The following EYS variants were observed in gnomAD, a reference collection of about 807,000 sequenced individuals.
EYS encodes the protein protein eyes shut homolog.
In EYS, 250 loss-of-function variants were observed where a neutral mutation model predicts 282.1. The observed-to-expected ratio is 0.89, with a 90% CI of 0.80 to 0.98. EYS has a LOEUF of 0.98. Ranked by LOEUF, EYS falls within the 50% of genes least tolerant of loss-of-function variation. The probability of loss-of-function intolerance (pLI) is 0.00; values close to 1 mark genes in which losing one functional copy is unlikely to be tolerated. For synonymous variants in EYS, 1,355 were observed against 1,282.9 expected (o/e 1.06, Z -1.20); for missense variants, 4,016 against 3,709.0 (o/e 1.08, Z -2.15).
chr6:64,271,709 G>C (rs1349424358), intron 30 of EYS, among the ~76,000 whole-genome samples: 1 of 79,016 alleles, frequency 1.3e-5, no homozygotes, highest in African/African-American at 4.7e-5. Context: ...TTTGTATTTT[G>C]TGGGTTTTTT....
chr6:65,139,084 A>C (rs1018716806), intron 12 of EYS, among the ~76,000 whole-genome samples: 1 of 152,056 alleles, frequency 6.6e-6, no homozygotes, highest in Non-Finnish European at 1.5e-5. Flanking sequence ...CATCACTGAT[A>C]TACCCAAATG....
At chr6:63,730,594 T>G (rs1219084251) in intron 41 of EYS, among the ~76,000 whole-genome samples, 2 of 152,226 alleles carry the variant, frequency 1.3e-5, no homozygotes, top group Admixed American at 6.5e-5. Flanking sequence ...TGATGCTACT[T>G]TTCCTCCTTT....
chr6:63,764,321 C>A (rs940538792), intron 40 of EYS, among the ~76,000 whole-genome samples: 2 of 151,678 alleles, frequency 1.3e-5, no homozygotes, highest in African/African-American at 4.8e-5. Flanking sequence ...TGGAGACAAA[C>A]AAAATACAGA....
In EYS at chr6:64,749,740, G is replaced by C. The variant is rs566913961; in HGVS notation, c.3443+63638C>G. 2.0e-5 allele frequency among the ~76,000 whole-genome samples: 3 copies of C among 152,220 alleles called. No individual in the cohort carries two copies. In the East Asian group the frequency reaches 5.8e-4, roughly 29 times the overall value. ...TTGAACAACTTGGACTAGAAACTAT[G>C]AACAGGAATCGATAGCCCAGGTTGT... is the stretch of plus-strand genomic sequence containing the variant. On this transcript the variant is annotated intron_variant, in intron 22 of 42. Transcript: ENST00000503581.
intron 5 of EYS, among the ~76,000 whole-genome samples, chr6:65,434,461 C>A (rs1340912831): frequency 6.6e-6 from 1 of 151,978 alleles, no homozygotes; most frequent in Non-Finnish European, 1.5e-5. Flanking sequence ...GCTGGGACTA[C>A]AGGCGCCCGC....
At chr6:65,023,489 T>A (rs1772309387) in intron 13 of EYS, among the ~76,000 whole-genome samples, 1 of 152,224 alleles carries the variant, frequency 6.6e-6, no homozygotes, top group Non-Finnish European at 1.5e-5. Flanking sequence ...TTTGTTGTTG[T>A]TGAAGTGGCG....
At chr6:64,451,971 C>A (rs1775366404) in intron 26 of EYS, among the ~76,000 whole-genome samples, 1 of 152,154 alleles carries the variant, frequency 6.6e-6, no homozygotes, top group Non-Finnish European at 1.5e-5. Flanking sequence ...CCCTCTCTCA[C>A]CACTCTTATT....
At chr6:65,555,695 C>T (rs941870018) in intron 2 of EYS, among the ~76,000 whole-genome samples, 4 of 152,208 alleles carry the variant, frequency 2.6e-5, no homozygotes, top group African/African-American at 9.6e-5. Context: ...ATAACTGTTT[C>T]TTACTTTCGT....
chr6:64,897,559 G>A (rs1767514712), intron 18 of EYS, among the ~76,000 whole-genome samples: 1 of 152,144 alleles, frequency 6.6e-6, no homozygotes, highest in Non-Finnish European at 1.5e-5. Flanking sequence ...TCCAAAGGAT[G>A]AAAATTTCTC....
intron 22 of EYS, among the ~76,000 whole-genome samples, chr6:64,704,662 C>A (rs971882114): frequency 1.1e-4 from 16 of 151,630 alleles, no homozygotes; most frequent in Admixed American, 8.6e-4. Flanking sequence ...GACTCACCTG[C>A]AATTTCCTCC....
chr6:64,623,560 T>C (rs1319232138), intron 23 of EYS, among the ~76,000 whole-genome samples: 2 of 152,162 alleles, frequency 1.3e-5, no homozygotes, highest in Non-Finnish European at 2.9e-5. Context: ...AGCACATACA[T>C]GCCAAAGAAC....
At chr6:65,403,451 A>G (rs1161077206) in intron 6 of EYS, among the ~76,000 whole-genome samples, 2 of 151,978 alleles carry the variant, frequency 1.3e-5, no homozygotes, top group Non-Finnish European at 2.9e-5. Context: ...ATTTATCTGA[A>G]CAACAAGATT....
intron 12 of EYS, among the ~76,000 whole-genome samples, chr6:65,251,781 C>T (rs1767330899): frequency 6.6e-6 from 1 of 152,008 alleles, no homozygotes; most frequent in African/African-American, 2.4e-5. Flanking sequence ...GATGGGAGAA[C>T]TCTGGTTCTG....
intron 29 of EYS, among the ~76,000 whole-genome samples, chr6:64,339,662 A>G (rs1357395547): frequency 1.3e-5 from 2 of 151,934 alleles, no homozygotes; most frequent in Non-Finnish European, 2.9e-5. Flanking sequence ...TCATTATACA[A>G]AAGATATACT....
At chr6:63,892,084 G>A (rs181450434) in intron 35 of EYS, among the ~76,000 whole-genome samples, 88 of 152,028 alleles carry the variant, frequency 5.8e-4, no homozygotes, top group Admixed American at 2.7e-3. Flanking sequence ...AAGAGAGGAC[G>A]CAAACAAATG....
intron 33 of EYS, among the ~76,000 whole-genome samples, chr6:64,060,926 C>T (rs1197467465): frequency 6.6e-6 from 1 of 152,170 alleles, no homozygotes; most frequent in African/African-American, 2.4e-5. Context: ...CATTTCTTTA[C>T]ACCGAGCTAT....
intron 28 of EYS, among the ~76,000 whole-genome samples, chr6:64,410,889 T>C (rs1235488507): frequency 1.3e-5 from 2 of 152,164 alleles, no homozygotes; most frequent in Admixed American, 1.3e-4. Context: ...ATCTGTAACA[T>C]TTATGCTGAG....
rs73449386 is a variant in EYS at position 65,585,649 on chromosome 6, G to T, written c.-333+54129C>A. Among the ~76,000 whole-genome samples the T allele has an allele frequency of 5.6e-3, 855 of 151,952 alleles. 4 individuals are homozygous for T. The highest frequency in any genetic ancestry group is 0.019 in the African/African-American group (799 of 41,532). On this transcript the variant is annotated intron_variant, in intron 2 of 42. Coordinates refer to ENST00000503581, the MANE Select transcript of EYS (RefSeq NM_001142800.2). ...ATAACATTCTTTGTCATAATGAGAAGACAATTTTAAACATCTTTTCCAAAT... is the reference window on the plus strand; with the variant it reads ...ATAACATTCTTTGTCATAATGAGAATACAATTTTAAACATCTTTTCCAAAT...
intron 29 of EYS, among the ~76,000 whole-genome samples, chr6:64,317,799 A>T (rs1167991298): frequency 6.6e-6 from 1 of 152,164 alleles, no homozygotes; most frequent in Non-Finnish European, 1.5e-5. Flanking sequence ...TGAATGATAG[A>T]CTGGATAAAG....
Sources: gnomAD v4.1 joint callset for allele counts (sites outside exome capture counted in the v4.1 genomes callset) on GRCh38, gnomAD v4.1.1 for gene constraint, MANE v1.5 for transcripts, NCBI Gene and HGNC (gene_info 2026-07-23, HGNC 2026-07-21) for gene names.